The following SYT1 variants were observed in gnomAD, a reference collection of about 807,000 sequenced individuals.
SYT1 encodes synaptotagmin 1.
Under a neutral mutation model 44.8 loss-of-function variants are expected in SYT1, and 8 were observed. That is an observed-to-expected ratio of 0.18 (90% CI 0.10 to 0.32). SYT1 has a LOEUF of 0.32. Among genes scored for constraint, SYT1 ranks in the 10% least tolerant of loss-of-function variants. The pLI, the probability that SYT1 is intolerant of heterozygous loss-of-function variation, is 1.00. For missense variants in SYT1, 286 were observed against 509.3 expected, an observed-to-expected ratio of 0.56 and a Z score of 4.22; for synonymous variants, 154 against 188.8, an observed-to-expected ratio of 0.82 and a Z score of 1.51.
chr12:79,401,381 G>A (rs975794697), intron 9 of SYT1, among the ~76,000 whole-genome samples: 14 of 150,990 alleles, frequency 9.3e-5, no homozygotes, highest in Non-Finnish European at 2.1e-4. Flanking sequence ...GAGACAAAGC[G>A]AGACCCGGTG....
chr12:79,046,130 A>G (rs1308439506), intron 2 of SYT1, among the ~76,000 whole-genome samples: 2 of 152,182 alleles, frequency 1.3e-5, no homozygotes, highest in African/African-American at 4.8e-5. Flanking sequence ...GGATTTTACT[A>G]AGAAACAGTT....
At chr12:78,955,172 T>C (rs1362090270) in intron 1 of SYT1, among the ~76,000 whole-genome samples, 1 of 152,178 alleles carries the variant, frequency 6.6e-6, no homozygotes, top group Non-Finnish European at 1.5e-5. Flanking sequence ...TTTCTAATAA[T>C]TCAACAGTTC....
At chr12:79,091,029 A>G (rs1877739902) in intron 3 of SYT1, among the ~76,000 whole-genome samples, 2 of 151,948 alleles carry the variant, frequency 1.3e-5, no homozygotes, top group African/African-American at 4.8e-5. Context: ...TGCTTTATTA[A>G]TATATACATG....
intron 3 of SYT1, among the ~76,000 whole-genome samples, chr12:79,053,534 T>C (rs1049079215): frequency 3.3e-5 from 5 of 149,624 alleles, no homozygotes; most frequent in Non-Finnish European, 4.4e-5. Context: ...AAAATTCTTA[T>C]ATATATTATA....
At chr12:79,064,965 AAAGAAAGAAAGAAAG>A (rs1444205117) in intron 3 of SYT1, among the ~76,000 whole-genome samples, 2 of 150,818 alleles carry the variant, frequency 1.3e-5, no homozygotes, top group Admixed American at 1.3e-4. Flanking sequence ...AGAAAGAAAG[AAAGAAAGAAAGAAAG>A]AAAGAAAGAA....
intron 1 of SYT1, among the ~76,000 whole-genome samples, chr12:78,916,315 G>C (rs886745425): frequency 1.3e-5 from 2 of 151,834 alleles, no homozygotes; most frequent in African/African-American, 4.8e-5. Context: ...TAAAATCATG[G>C]CATAAAACAA....
chr12:78,939,985 T>C (rs1878264805), intron 1 of SYT1, among the ~76,000 whole-genome samples: 1 of 152,210 alleles, frequency 6.6e-6, no homozygotes, highest in African/African-American at 2.4e-5. Context: ...TCTTATTGGT[T>C]ATTTTCTTTT....
At chr12:79,185,155 G>A (rs1872735418) in intron 3 of SYT1, among the ~76,000 whole-genome samples, 1 of 152,038 alleles carries the variant, frequency 6.6e-6, no homozygotes, top group Non-Finnish European at 1.5e-5. Flanking sequence ...TACAGATTCT[G>A]TGAATTTCTA....
At chr12:79,372,072 T>C (rs1335271630) in intron 9 of SYT1, among the ~76,000 whole-genome samples, 1 of 152,220 alleles carries the variant, frequency 6.6e-6, no homozygotes, top group African/African-American at 2.4e-5. Context: ...TCATTATTTC[T>C]TTTTCTGTGT....
chr12:79,210,933 G>GTTTT (rs573715825), intron 3 of SYT1, among the ~76,000 whole-genome samples: 1 of 135,184 alleles, frequency 7.4e-6, no homozygotes, highest in African/African-American at 2.7e-5. Context: ...ACATTTTAAA[G>GTTTT]TTTTTTTTTT....
intron 2 of SYT1, among the ~76,000 whole-genome samples, chr12:79,031,050 G>A (rs1290392932): frequency 2.0e-5 from 3 of 151,008 alleles, no homozygotes; most frequent in Non-Finnish European, 4.5e-5. Flanking sequence ...AGAATGAAAT[G>A]CGTAAGTTTA....
chr12:79,045,343 G>A (rs570928708), intron 2 of SYT1, among the ~76,000 whole-genome samples: 1 of 152,146 alleles, frequency 6.6e-6, no homozygotes, highest in African/African-American at 2.4e-5. Context: ...TTTTAAGCCG[G>A]TCGGAAAAGC....
At chr12:79,098,353 T>G (rs1199161201) in intron 3 of SYT1, among the ~76,000 whole-genome samples, 2 of 152,058 alleles carry the variant, frequency 1.3e-5, no homozygotes, top group Non-Finnish European at 1.5e-5. Context: ...ACTAACAAAA[T>G]TTTTTGTATG....
At chr12:79,366,701 C>G (rs1035380196) in intron 9 of SYT1, among the ~76,000 whole-genome samples, 3 of 152,148 alleles carry the variant, frequency 2.0e-5, no homozygotes, top group Non-Finnish European at 4.4e-5. Context: ...ATCTATAAAA[C>G]TAGGGTATTA....
intron 2 of SYT1, among the ~76,000 whole-genome samples, chr12:79,024,488 C>T (rs1165266633): frequency 1.3e-5 from 2 of 151,750 alleles, no homozygotes; most frequent in African/African-American, 4.8e-5. Flanking sequence ...GGGCTATAAA[C>T]TCATTTATTC....
intron 3 of SYT1, among the ~76,000 whole-genome samples, chr12:79,097,880 T>A (rs1290762996): frequency 6.6e-6 from 1 of 152,044 alleles, no homozygotes; most frequent in African/African-American, 2.4e-5. Context: ...TTCTTCGCCT[T>A]CTTTAGTGTG....
At chr12:79,020,907 G>A (rs1565766678) in intron 2 of SYT1, among the ~76,000 whole-genome samples, 1 of 151,970 alleles carries the variant, frequency 6.6e-6, no homozygotes, top group Non-Finnish European at 1.5e-5. Flanking sequence ...AAGAATTTAT[G>A]CAGCTTCTCA....
At chr12:79,141,851 C>A (rs11835975) in intron 3 of SYT1, among the ~76,000 whole-genome samples, 14,282 of 152,180 alleles carry the variant, frequency 0.094, 867 homozygotes, top group African/African-American at 0.17. Context: ...ATAAGGACAC[C>A]TTGCCTTCAG....
chr12:79,209,488 A>G (rs777079120), intron 3 of SYT1, among the ~76,000 whole-genome samples: 5 of 152,234 alleles, frequency 3.3e-5, no homozygotes, highest in Non-Finnish European at 5.9e-5. Context: ...ATATGCCATT[A>G]CAACAGGCTT....
Sources: allele counts gnomAD v4.1 joint callset (sites outside exome capture counted in the v4.1 genomes callset), GRCh38; gene constraint gnomAD v4.1.1; transcripts MANE v1.5; gene names NCBI Gene and HGNC (gene_info 2026-07-23, HGNC 2026-07-21).